The following ASH1L variants were observed in gnomAD, a reference collection of about 807,000 sequenced individuals.
ASH1L encodes the protein histone-lysine N-methyltransferase ASH1L.
In ASH1L, 23 loss-of-function variants were observed where a neutral mutation model predicts 269.0. The ratio of observed to expected loss-of-function variants is 0.09; its 90% CI spans 0.06 to 0.12. The LOEUF (loss-of-function observed/expected upper bound fraction) is 0.12, where lower values mean the gene tolerates loss of function less well. Among genes scored for constraint, ASH1L ranks in the 10% least tolerant of loss-of-function variants. ASH1L has a pLI of 1.00. For missense variants in ASH1L, 2,912 were observed against 3,567.8 expected (o/e 0.82, Z 4.68); for synonymous variants, 1,187 against 1,253.5 (o/e 0.95, Z 1.12).
intron 5 of ASH1L, among the ~76,000 whole-genome samples, chr1:155,425,113 G>A (rs991241460): frequency 6.6e-6 from 1 of 151,590 alleles, no homozygotes; most frequent in Non-Finnish European, 1.5e-5. Context: ...GTGATTAAAG[G>A]CATGCACAAC....
At chr1:155,456,933 C>T (rs958181744) in intron 4 of ASH1L, among the ~76,000 whole-genome samples, 8 of 152,316 alleles carry the variant, frequency 5.3e-5, no homozygotes, top group African/African-American at 1.9e-4. Flanking sequence ...AAGACTTAAC[C>T]ACATGACTTG....
chr1:155,465,310 A>C (rs1015413020), intron 3 of ASH1L, among the ~76,000 whole-genome samples: 237 of 151,422 alleles, frequency 1.6e-3, no homozygotes, highest in African/African-American at 5.3e-3. Context: ...AAAAAAAAAA[A>C]AACAGTGAAT....
Position 155,480,511 on chromosome 1 carries a change from C to G in ASH1L, c.2359G>C (p.Ala787Pro). 6.2e-7 allele frequency: 1 copy of G among 1,614,074 alleles called. No individual in the cohort carries two copies. ...TCAGCTAAGAGAGCAAGAGATGGAG[C>G]TGTGGATTTGCTCAACTTTGGCAAT... Reference protein sequence around the residue: ...RRLPKLSKSTAPSLALLADSE... With the variant: ...RRLPKLSKSTPPSLALLADSE... The change falls in exon 3 of 28, where the codon GCT (alanine) becomes CCT (proline). Residue 787 changes from alanine to proline, a missense_variant. By Grantham distance (27) the Ala-to-Pro change is conservative. Coordinates refer to ENST00000392403, the MANE Select transcript of ASH1L (RefSeq NM_018489.3).
At chr1:155,337,951 A>G in intron 27 of ASH1L, 138 bp downstream of exon 27, 2 of 1,077,100 alleles carry the variant, frequency 1.9e-6, no homozygotes, top group Non-Finnish European at 2.6e-6. Context: ...CCAAGATACA[A>G]CTAAAAGCAA....
At chr1:155,382,281 G>T (rs958369935) in intron 7 of ASH1L, among the ~76,000 whole-genome samples, 1 of 151,950 alleles carries the variant, frequency 6.6e-6, no homozygotes, top group Non-Finnish European at 1.5e-5. Flanking sequence ...GGCAGATCAT[G>T]AGGTCAGGAG....
intron 1 of ASH1L, among the ~76,000 whole-genome samples, chr1:155,523,688 A>G (rs563927015): frequency 1.5e-4 from 23 of 152,252 alleles, no homozygotes; most frequent in Middle Eastern, 6.8e-3. Flanking sequence ...CCTGGTCAAC[A>G]TGTCGAAACC....
intron 2 of ASH1L, among the ~76,000 whole-genome samples, chr1:155,509,667 TGTGTG>T: frequency 2.0e-5 from 3 of 152,128 alleles, no homozygotes; most frequent in African/African-American, 7.2e-5. Context: ...GGCATGATGG[TGTGTG>T]TCTCTAATCC....
rs537337439 is a variant in ASH1L at position 155,387,302 on chromosome 1, T to A, written c.6104-7186A>T. 7.9e-5 allele frequency among the ~76,000 whole-genome samples: 12 copies of A among 152,282 alleles called. 1 individual carries two copies. In the South Asian group the frequency reaches 1.7e-3, roughly 21 times the overall value. The stretch of plus-strand genomic sequence containing the variant: ...ATTGAAGTTTTTAATCCATATTTTG[T>A]TTTTGTATATGCTGTAAGGAAGGGG... On this transcript the variant is annotated intron_variant, in intron 7 of 27. Coordinates refer to ENST00000392403, the MANE Select transcript of ASH1L (RefSeq NM_018489.3).
intron 2 of ASH1L, among the ~76,000 whole-genome samples, chr1:155,510,173 T>C (rs1325699282): frequency 1.3e-5 from 2 of 152,024 alleles, no homozygotes; most frequent in Admixed American, 6.6e-5. Context: ...CCCAGCACTT[T>C]GAGAGGCTGA....
intron 1 of ASH1L, among the ~76,000 whole-genome samples, chr1:155,551,469 G>A (rs927540060): frequency 1.3e-5 from 2 of 151,166 alleles, no homozygotes; most frequent in Admixed American, 6.6e-5. Flanking sequence ...GACCATCCCG[G>A]CTAAAACGGT....
intron 1 of ASH1L, among the ~76,000 whole-genome samples, chr1:155,560,984 G>A (rs1303335812): frequency 1.3e-5 from 2 of 151,444 alleles, no homozygotes; most frequent in East Asian, 3.9e-4. Context: ...ACTCAGATTT[G>A]CCGACAAAGA....
chr1:155,384,412 C>T (rs1422351107), intron 7 of ASH1L, among the ~76,000 whole-genome samples: 1 of 152,138 alleles, frequency 6.6e-6, no homozygotes, highest in African/African-American at 2.4e-5. Flanking sequence ...GAGAAATCTA[C>T]TGTCATTTGA....
chr1:155,405,088 TACA>T (rs1270141162), intron 6 of ASH1L, among the ~76,000 whole-genome samples: 1 of 151,430 alleles, frequency 6.6e-6, no homozygotes, highest in Admixed American at 6.6e-5. Flanking sequence ...CAATTCCAAT[TACA>T]ACAATTACAA....
chr1:155,445,390 G>T (rs12037824), intron 4 of ASH1L, among the ~76,000 whole-genome samples: 1 of 151,892 alleles, frequency 6.6e-6, no homozygotes, highest in Non-Finnish European at 1.5e-5. Flanking sequence ...TTGCCATGTT[G>T]GCCAGGCTGG....
chr1:155,522,501 A>T (rs186460863), intron 1 of ASH1L, among the ~76,000 whole-genome samples: 207 of 152,306 alleles, frequency 1.4e-3, no homozygotes, highest in Non-Finnish European at 2.8e-3. Flanking sequence ...AAGTTTTCCT[A>T]ATAGCAAATA....
chr1:155,450,137 T>C (rs1663357715), intron 4 of ASH1L, among the ~76,000 whole-genome samples: 1 of 152,242 alleles, frequency 6.6e-6, no homozygotes, highest in African/African-American at 2.4e-5. Context: ...ATATGTCTGC[T>C]GATAGTTGTT....
At chr1:155,508,174 A>C (rs934291012) in intron 2 of ASH1L, among the ~76,000 whole-genome samples, 5 of 152,156 alleles carry the variant, frequency 3.3e-5, no homozygotes, top group Non-Finnish European at 5.9e-5. Flanking sequence ...CTCTACTTTC[A>C]CTTTCTAAAA....
At chr1:155,555,368 G>A (rs1459391884) in intron 1 of ASH1L, among the ~76,000 whole-genome samples, 3 of 150,416 alleles carry the variant, frequency 2.0e-5, no homozygotes, top group African/African-American at 4.9e-5. Context: ...ATGGTGGCTC[G>A]CACCTGTAGT....
intron 4 of ASH1L, 148 bp downstream of exon 4, chr1:155,459,649 G>A (rs1312370991): frequency 1.6e-6 from 1 of 642,228 alleles, no homozygotes; most frequent in Admixed American, 2.9e-5. Flanking sequence ...CAAATACCAA[G>A]TCTATTGTTT....
Sources: gnomAD v4.1 joint callset for allele counts (sites outside exome capture counted in the v4.1 genomes callset) on GRCh38, gnomAD v4.1.1 for gene constraint, MANE v1.5 for transcripts, NCBI Gene and HGNC (gene_info 2026-07-23, HGNC 2026-07-21) for gene names.